The following ZNRF1 variants were observed in gnomAD, a reference collection of about 807,000 sequenced individuals.
The protein encoded by ZNRF1 is zinc and ring finger 1.
In ZNRF1, 3 loss-of-function variants were observed where a neutral mutation model predicts 18.4. The observed-to-expected ratio is 0.16, with a 90% CI of 0.07 to 0.42. The LOEUF (loss-of-function observed/expected upper bound fraction) is 0.42. Ranked by LOEUF, ZNRF1 falls within the 10% of genes least tolerant of loss-of-function variation. ZNRF1 has a pLI of 0.99. For synonymous variants in ZNRF1, 157 were observed against 144.2 expected (o/e 1.09, Z -0.64); for missense variants, 310 against 329.8 (o/e 0.94, Z 0.47).
chr16:75,045,250 A>G (rs901329069), intron 1 of ZNRF1, among the ~76,000 whole-genome samples: 1 of 152,174 alleles, frequency 6.6e-6, no homozygotes. Context: ...AGGGCTCAAG[A>G]AAAACCTAGT....
chr16:75,088,814 C>T (rs1480558442), intron 1 of ZNRF1, among the ~76,000 whole-genome samples: 1 of 152,180 alleles, frequency 6.6e-6, no homozygotes, highest in African/African-American at 2.4e-5. Context: ...ATAGTAATGA[C>T]TCAATAAATG....
chr16:75,037,623 C>T (rs1459655380), intron 1 of ZNRF1, among the ~76,000 whole-genome samples: 2 of 152,174 alleles, frequency 1.3e-5, no homozygotes, highest in African/African-American at 4.8e-5. Context: ...CAGGCATGAG[C>T]CAGCATTCCT....
In ZNRF1 at chr16:75,018,120, GC is replaced by G. The variant is rs564992114; in HGVS notation, c.424+18028del. On this transcript the variant is annotated intron_variant, in intron 1 of 4. Transcript: ENST00000335325. ...GCATATCCACATCACTCACAACAGT[GC>G]CCAGCAGGTAGTAAGTGATCAGTAA... 1.3e-3 allele frequency among the ~76,000 whole-genome samples: 192 copies of G among 152,310 alleles called. 1 individual carries two copies. Among genetic ancestry groups the G allele is most frequent in the African/African-American group, 3.9e-3 (163 of 41,562 alleles).
At chr16:75,062,017 G>A (rs1003708957) in intron 1 of ZNRF1, among the ~76,000 whole-genome samples, 6 of 152,134 alleles carry the variant, frequency 3.9e-5, no homozygotes, top group Non-Finnish European at 1.5e-5. Flanking sequence ...CTTAAAATTA[G>A]GTTACACTTT....
chr16:75,102,460 C>T (rs1201386257), intron 2 of ZNRF1, among the ~76,000 whole-genome samples: 1 of 152,170 alleles, frequency 6.6e-6, no homozygotes, highest in Non-Finnish European at 1.5e-5. Context: ...AGTTAAGTTC[C>T]TTTAGTGACG....
chr16:75,076,413 A>T (rs1294009688), intron 1 of ZNRF1, among the ~76,000 whole-genome samples: 2 of 152,056 alleles, frequency 1.3e-5, no homozygotes, highest in African/African-American at 4.8e-5. Flanking sequence ...CCACTTCGGG[A>T]TGTGAAAGAA....
intron 1 of ZNRF1, among the ~76,000 whole-genome samples, chr16:75,032,387 G>T (rs1175519034): frequency 6.6e-6 from 1 of 152,048 alleles, no homozygotes; most frequent in African/African-American, 2.4e-5. Context: ...GGGATTACAG[G>T]CATGAGCCAC....
In ZNRF1 at chr16:75,093,585, C is replaced by T; in HGVS notation, c.438C>T (p.Pro146=). ...CCTCTCTTTCAGGTTTCAAGTGCCC[C>T]ATTTGCTCCAAGTCTGTGGCTTCTG... ...WFSSHSGFKC[P]ICSKSVASDE... Residue 146 remains proline (P), a synonymous_variant, in exon 2 of 5, where the codon CCC becomes CCT. Transcript: ENST00000335325. The T allele has an allele frequency of 6.2e-7, 1 of 1,613,924 alleles. No individual in the cohort carries two copies.
intron 1 of ZNRF1, among the ~76,000 whole-genome samples, chr16:75,060,315 T>G (rs894376162): frequency 1.1e-4 from 17 of 152,116 alleles, no homozygotes; most frequent in African/African-American, 4.1e-4. Flanking sequence ...CCTCCCAAAG[T>G]GCTGGGATTA....
At chr16:75,009,191 A>G (rs1027109291) in intron 1 of ZNRF1, among the ~76,000 whole-genome samples, 9 of 152,228 alleles carry the variant, frequency 5.9e-5, no homozygotes, top group Non-Finnish European at 1.0e-4. Flanking sequence ...CCTTGGTATT[A>G]TAAGTCTATG....
At chr16:75,104,715 C>G (rs2036293240) in intron 2 of ZNRF1, 69 bp from the exon 3 acceptor site, 2 of 1,409,154 alleles carry the variant, frequency 1.4e-6, no homozygotes, top group Admixed American at 2.0e-5. Context: ...TTCCTAGGCC[C>G]TTGCTTGCCC....
At chr16:75,083,524 G>A (rs1471942532) in intron 1 of ZNRF1, among the ~76,000 whole-genome samples, 1 of 152,212 alleles carries the variant, frequency 6.6e-6, no homozygotes, top group Non-Finnish European at 1.5e-5. Context: ...GATCTTTATA[G>A]TTGGTAAAAA....
At chr16:75,066,349 A>G (rs1247757411) in intron 1 of ZNRF1, among the ~76,000 whole-genome samples, 1 of 152,202 alleles carries the variant, frequency 6.6e-6, no homozygotes, top group East Asian at 1.9e-4. Flanking sequence ...CAGTAGACCA[A>G]AGGAGGGGAA....
chr16:75,056,915 G>A (rs2035674679), intron 1 of ZNRF1, among the ~76,000 whole-genome samples: 1 of 152,102 alleles, frequency 6.6e-6, no homozygotes, highest in Admixed American at 6.5e-5. Context: ...GGGATTACAG[G>A]CCTGAGCCAC....
intron 1 of ZNRF1, among the ~76,000 whole-genome samples, chr16:75,069,505 C>T (rs2035844813): frequency 2.6e-5 from 4 of 152,174 alleles, no homozygotes; most frequent in Admixed American, 2.6e-4. Flanking sequence ...CCTCCACCTC[C>T]TGGGTTCAAG....
chr16:75,047,595 A>G (rs933567233), intron 1 of ZNRF1, among the ~76,000 whole-genome samples: 2 of 152,082 alleles, frequency 1.3e-5, no homozygotes, highest in African/African-American at 4.8e-5. Flanking sequence ...AGTGCTGTTG[A>G]CTTTTGTGTG....
chr16:75,060,152 C>G (rs1026004580), intron 1 of ZNRF1, among the ~76,000 whole-genome samples: 1 of 152,048 alleles, frequency 6.6e-6, no homozygotes, highest in Non-Finnish European at 1.5e-5. Flanking sequence ...CTCACAGGTT[C>G]AAGTGATTCT....
chr16:75,088,343 C>G (rs2145417292), intron 1 of ZNRF1, among the ~76,000 whole-genome samples: 1 of 152,226 alleles, frequency 6.6e-6, no homozygotes, highest in South Asian at 2.1e-4. Context: ...CCTTTATTTT[C>G]CATTTAAAAG....
chr16:75,066,563 C>A, intron 1 of ZNRF1, among the ~76,000 whole-genome samples: 1 of 152,154 alleles, frequency 6.6e-6, no homozygotes, highest in East Asian at 1.9e-4. Flanking sequence ...AGTGCAGTGG[C>A]GCGATGTCAG....
Sources: allele counts gnomAD v4.1 joint callset (sites outside exome capture counted in the v4.1 genomes callset), GRCh38; gene constraint gnomAD v4.1.1; transcripts MANE v1.5; gene names NCBI Gene and HGNC (gene_info 2026-07-23, HGNC 2026-07-21).